Variants in WDR7 observed in about 807,000 individuals in gnomAD.
WDR7 encodes the protein WD repeat-containing protein 7.
WDR7 carries 46 observed loss-of-function variants against 169.4 expected under a neutral mutation model. The ratio of observed to expected loss-of-function variants is 0.27; its 90% CI spans 0.21 to 0.35. WDR7 has a LOEUF of 0.35. Ranked by LOEUF, WDR7 falls within the 10% of genes least tolerant of loss-of-function variation. WDR7 has a pLI of 1.00. For missense variants in WDR7, 1,534 were observed against 1,859.3 expected (o/e 0.83, Z 3.22); for synonymous variants, 612 against 666.8 (o/e 0.92, Z 1.27).
chr18:56,714,523 C>A (rs1363527797), intron 12 of WDR7, among the ~76,000 whole-genome samples: 1 of 150,028 alleles, frequency 6.7e-6, no homozygotes, highest in Non-Finnish European at 1.5e-5. Flanking sequence ...CGGTTCAGTG[C>A]AACTTCTGCC....
intron 26 of WDR7, among the ~76,000 whole-genome samples, chr18:56,993,922 C>T (rs186048250): frequency 2.2e-4 from 34 of 152,128 alleles, no homozygotes; most frequent in Non-Finnish European, 2.9e-5. Flanking sequence ...ACTAGTATAC[C>T]GCTTACTTTA....
intron 20 of WDR7, among the ~76,000 whole-genome samples, chr18:56,857,806 C>T (rs1044320789): frequency 1.3e-5 from 2 of 151,994 alleles, no homozygotes; most frequent in African/African-American, 4.8e-5. Context: ...GTATGGGAGC[C>T]CAGAGGACCG....
intron 21 of WDR7, chr18:56,890,906 C>T (rs1001403541): frequency 3.3e-5 from 5 of 152,190 alleles, no homozygotes; most frequent in African/African-American, 9.7e-5. Context: ...TGACTCTTCA[C>T]TTAAGCTATG....
At chr18:57,035,856 A>T in the WDR7 span, 1 of 152,284 alleles carries the variant, frequency 6.6e-6, no homozygotes, top group Non-Finnish European at 1.5e-5. Context: ...GGTATTGTTC[A>T]TCTATACAGG....
chr18:57,000,381 C>G (rs1326518744), intron 26 of WDR7, among the ~76,000 whole-genome samples: 2 of 152,084 alleles, frequency 1.3e-5, no homozygotes, highest in African/African-American at 4.8e-5. Flanking sequence ...GTCAATTAAG[C>G]ACGATATAAA....
chr18:57,006,146 T>C (rs948983807), intron 26 of WDR7, among the ~76,000 whole-genome samples: 19 of 152,188 alleles, frequency 1.2e-4, no homozygotes, highest in Non-Finnish European at 2.6e-4. Flanking sequence ...GTGCCCTTAA[T>C]AGCATCTGTA....
chr18:56,726,576 T>C (rs965983880), intron 13 of WDR7, among the ~76,000 whole-genome samples: 1 of 152,188 alleles, frequency 6.6e-6, no homozygotes, highest in Non-Finnish European at 1.5e-5. Flanking sequence ...GTTTTCTAGA[T>C]ATACAATCAT....
At chr18:56,669,432 G>A (rs649267) in intron 1 of WDR7, among the ~76,000 whole-genome samples, 139,700 of 152,156 alleles carry the variant, frequency 0.92, 65,297 homozygotes, top group East Asian at 1. Flanking sequence ...ATATTTGTTG[G>A]CTCCAGAGCT....
intron 21 of WDR7, among the ~76,000 whole-genome samples, chr18:56,914,535 C>G (rs1345784308): frequency 6.6e-6 from 1 of 152,188 alleles, no homozygotes; most frequent in East Asian, 1.9e-4. Context: ...TGTCTGTCTC[C>G]CTTCCTCCCT....
chr18:56,882,977 C>T (rs2046131536), intron 21 of WDR7, among the ~76,000 whole-genome samples: 1 of 152,132 alleles, frequency 6.6e-6, no homozygotes. Context: ...AATCCCAGCA[C>T]TTTGGGAGGC....
Position 56,695,151 on chromosome 18 carries a change from A to C in WDR7, c.1310A>C (p.Gln437Pro), listed in dbSNP as rs756403875. Residue 437 changes from glutamine (Q) to proline (P), a missense_variant, in exon 11 of 28, where the codon CAG becomes CCG. By Grantham distance (76) the Gln-to-Pro change is moderately conservative. Coordinates refer to ENST00000254442, the MANE Select transcript of WDR7 (RefSeq NM_015285.3). Reference protein sequence around the residue: ...DGSIVIVPATQTAIVQLLQGE... With the variant: ...DGSIVIVPATPTAIVQLLQGE... ...AGCATAGTTATTGTACCTGCCACAC[A>C]GACGGCCATAGTACAGCTGTTGCAA... The C allele has an allele frequency of 1.9e-6, 3 of 1,614,208 alleles. No individual in the cohort carries two copies. The highest frequency in any genetic ancestry group is 1.7e-6 in the Non-Finnish European group (2 of 1,180,022).
chr18:56,871,136 T>C (rs1344051679), intron 20 of WDR7, among the ~76,000 whole-genome samples: 1 of 152,192 alleles, frequency 6.6e-6, no homozygotes, highest in African/African-American at 2.4e-5. Flanking sequence ...CTCAGACTAT[T>C]TATTTTGACT....
intron 16 of WDR7, among the ~76,000 whole-genome samples, chr18:56,775,997 T>C (rs1046018984): frequency 2.8e-4 from 43 of 152,200 alleles, no homozygotes; most frequent in African/African-American, 1.0e-3. Context: ...AATCTTAACA[T>C]TGACCTCCAG....
At chr18:56,766,627 C>T (rs996475687) in intron 16 of WDR7, among the ~76,000 whole-genome samples, 8 of 152,082 alleles carry the variant, frequency 5.3e-5, no homozygotes, top group Non-Finnish European at 8.8e-5. Context: ...CAGGCTGCAG[C>T]AATTTTCCCT....
chr18:56,743,161 G>A (rs528500294), intron 14 of WDR7, among the ~76,000 whole-genome samples: 81 of 152,286 alleles, frequency 5.3e-4, no homozygotes, highest in African/African-American at 1.9e-3. Flanking sequence ...GCTCTATCAC[G>A]TGTGATATCG....
At chr18:56,829,709 T>C (rs758558620) in intron 20 of WDR7, among the ~76,000 whole-genome samples, 1 of 152,220 alleles carries the variant, frequency 6.6e-6, no homozygotes, top group Non-Finnish European at 1.5e-5. Flanking sequence ...CATGCACAGA[T>C]TGTGAAACTA....
chr18:56,792,260 C>T (rs1487936138), intron 19 of WDR7, among the ~76,000 whole-genome samples: 1 of 152,116 alleles, frequency 6.6e-6, no homozygotes, highest in African/African-American at 2.4e-5. Context: ...TCAAGTGATC[C>T]TCCCTTCTTG....
chr18:56,997,930 T>C (rs568312694), intron 26 of WDR7, among the ~76,000 whole-genome samples: 1 of 152,296 alleles, frequency 6.6e-6, no homozygotes, highest in South Asian at 2.1e-4. Flanking sequence ...TATAAAACTT[T>C]CCTTCCTCCT....
At chr18:57,031,767 G>A (rs965120866), downstream of WDR7, 14 of 152,186 alleles carry the variant, frequency 9.2e-5, no homozygotes, top group Non-Finnish European at 1.6e-4. Flanking sequence ...AGCACTGCTC[G>A]AATTGTAGGG....
Sources: gnomAD v4.1 joint callset for allele counts (sites outside exome capture counted in the v4.1 genomes callset) on GRCh38, gnomAD v4.1.1 for gene constraint, MANE v1.5 for transcripts, NCBI Gene and HGNC (gene_info 2026-07-23, HGNC 2026-07-21) for gene names.